The following MED13 variants were observed in gnomAD, a reference collection of about 807,000 sequenced individuals.
The protein encoded by MED13 is mediator complex subunit 13.
A neutral mutation model predicts 225.2 loss-of-function variants in MED13; 23 were observed. The ratio of observed to expected loss-of-function variants is 0.10; its 90% confidence interval spans 0.07 to 0.14. The LOEUF is 0.14. Among genes scored for constraint, MED13 ranks in the 10% least tolerant of loss-of-function variants. MED13 has a pLI of 1.00. For synonymous variants in MED13, 942 were observed against 889.2 expected (o/e 1.06, Z -1.06); for missense variants, 2,197 against 2,594.5 (o/e 0.85, Z 3.33).
At chr17:62,053,064 C>G (rs2080969651) in intron 2 of MED13, among the ~76,000 whole-genome samples, 2 of 152,140 alleles carry the variant, frequency 1.3e-5, no homozygotes, top group Non-Finnish European at 2.9e-5. Context: ...AATTTCTAAG[C>G]TGGCTCACTT....
At chr17:62,014,728 G>C (rs2080546489) in intron 8 of MED13, among the ~76,000 whole-genome samples, 1 of 152,086 alleles carries the variant, frequency 6.6e-6, no homozygotes, top group Non-Finnish European at 1.5e-5. Context: ...TACAATCATA[G>C]CACACTGTAA....
At chr17:62,049,930 C>CACAAAAAAAAAAA (rs2080940521) in intron 3 of MED13, among the ~76,000 whole-genome samples, 1 of 96,262 alleles carries the variant, frequency 1.0e-5, no homozygotes. Context: ...GCTCTGTCTC[C>CACAAAAAAAAAAA]AAAAAAAAAA....
chr17:62,055,283 A>G (rs911833915), intron 2 of MED13, among the ~76,000 whole-genome samples: 2 of 151,916 alleles, frequency 1.3e-5, no homozygotes, highest in African/African-American at 4.8e-5. Flanking sequence ...CCAGCTACTC[A>G]GGAGGCTGAG....
chr17:61,969,905 G>T (rs1365308962), intron 17 of MED13, among the ~76,000 whole-genome samples: 1 of 152,012 alleles, frequency 6.6e-6, no homozygotes, highest in Non-Finnish European at 1.5e-5. Flanking sequence ...CCTGGTGAGT[G>T]TTCTTACCAT....
At position 61,968,093 on chromosome 17, in the gene MED13, T is replaced by C. The variant is rs2080075013; in HGVS notation, c.4133A>G (p.Asn1378Ser). The C allele has an allele frequency of 2.5e-6, 4 of 1,613,984 alleles. No individual in the cohort carries two copies. Among genetic ancestry groups the C allele is most frequent in the Non-Finnish European group, 2.5e-6 (3 of 1,179,988 alleles). Residue 1378 changes from asparagine to serine, a missense_variant, in exon 18 of 30, where the codon AAT (asparagine) becomes AGT (serine). Around this residue, in one of 12 missense-constraint regions of MED13, gnomAD observed 47 missense variants for 93.8 expected, o/e 0.50. Coordinates refer to ENST00000397786, the MANE Select transcript of MED13 (RefSeq NM_005121.3). ...DIAYVVLCPE[N>S]EALLNGAKSF... ...TTTTGCTCCATTTAACAAGGCTTCATTTTCTGGACACAGTACAACATAGGC... is the reference window on the plus strand; with the variant it reads ...TTTTGCTCCATTTAACAAGGCTTCACTTTCTGGACACAGTACAACATAGGC...
rs1353105363 is a variant in MED13 at position 61,995,640 on chromosome 17, G to A, written c.1968-275C>T. On this transcript the variant is annotated intron_variant, in intron 9 of 29. Coordinates refer to ENST00000397786, the MANE Select transcript of MED13 (RefSeq NM_005121.3). ...GTAATTCACGGTTTAGGTAACTCACGGTTCTCAAGTCCTCAAGCACACTAT... is the reference window on the plus strand; with the variant it reads ...GTAATTCACGGTTTAGGTAACTCACAGTTCTCAAGTCCTCAAGCACACTAT... Among the ~76,000 whole-genome samples the A allele has an allele frequency of 2.6e-5, 4 of 152,124 alleles. 1 individual carries two copies. The highest frequency in any genetic ancestry group is 2.0e-4 in the Admixed American group (3 of 15,270).
chr17:62,060,109 C>T (rs1407781474), intron 2 of MED13, among the ~76,000 whole-genome samples: 7 of 151,502 alleles, frequency 4.6e-5, no homozygotes, highest in East Asian at 2.0e-4. Flanking sequence ...CTGGCGAACA[C>T]GGTGAAACCC....
At chr17:62,008,976 A>T (rs997758717) in intron 9 of MED13, among the ~76,000 whole-genome samples, 3 of 152,234 alleles carry the variant, frequency 2.0e-5, no homozygotes, top group Non-Finnish European at 2.9e-5. Flanking sequence ...TTTTAAGCAA[A>T]TAAAGTCTAA....
At chr17:62,022,195 A>C (rs936417961) in intron 8 of MED13, among the ~76,000 whole-genome samples, 2 of 146,242 alleles carry the variant, frequency 1.4e-5, no homozygotes, top group African/African-American at 5.1e-5. Flanking sequence ...ATATATATAT[A>C]TTCTTAAAAA....
At chr17:62,002,773 G>T (rs2080407750) in intron 9 of MED13, among the ~76,000 whole-genome samples, 1 of 152,218 alleles carries the variant, frequency 6.6e-6, no homozygotes, top group South Asian at 2.1e-4. Context: ...AGTTTGGAGT[G>T]ACTGAAATAG....
At chr17:61,997,375 G>C in intron 9 of MED13, among the ~76,000 whole-genome samples, 1 of 152,134 alleles carries the variant, frequency 6.6e-6, no homozygotes, top group Non-Finnish European at 1.5e-5. Context: ...TTGGGGATAT[G>C]TTTTATAATT....
intron 2 of MED13, among the ~76,000 whole-genome samples, chr17:62,061,592 T>C (rs1384432865): frequency 2.0e-5 from 3 of 152,228 alleles, no homozygotes; most frequent in East Asian, 3.8e-4. Flanking sequence ...AACAATGTTA[T>C]ACAGTCTCCA....
chr17:62,040,518 T>A (rs989338880), intron 3 of MED13, among the ~76,000 whole-genome samples: 1 of 152,200 alleles, frequency 6.6e-6, no homozygotes, highest in African/African-American at 2.4e-5. Flanking sequence ...AACAATTCCA[T>A]ATGTATGCTA....
chr17:61,967,266 A>T (rs2080067215), intron 18 of MED13, among the ~76,000 whole-genome samples: 1 of 152,146 alleles, frequency 6.6e-6, no homozygotes, highest in Admixed American at 6.5e-5. Flanking sequence ...TATAATATAC[A>T]ATGTTTCCCC....
At chr17:62,004,101 A>G (rs1364496327) in intron 9 of MED13, 6 of 152,236 alleles carry the variant, frequency 3.9e-5, no homozygotes, top group Non-Finnish European at 8.8e-5. Flanking sequence ...ATTTTTACAC[A>G]CATTAAATAA....
chr17:62,001,497 A>G (rs2080394740), intron 9 of MED13, among the ~76,000 whole-genome samples: 1 of 152,112 alleles, frequency 6.6e-6, no homozygotes, highest in Non-Finnish European at 1.5e-5. Context: ...ATTTTATCTC[A>G]CTCAATACTT....
chr17:62,047,948 A>G lies in MED13; in HGVS notation c.470+4589T>C, dbSNP rs531525795. Among the ~76,000 whole-genome samples, 365 of 150,986 alleles carry G rather than the reference A, an allele frequency of 2.4e-3. 3 individuals are homozygous for G. Among genetic ancestry groups the G allele is most frequent in the Non-Finnish European group, 1.1e-3 (74 of 67,870 alleles). On this transcript the variant is annotated intron_variant, in intron 3 of 29. Coordinates refer to ENST00000397786, the MANE Select transcript of MED13 (RefSeq NM_005121.3). ...AGCCGGGTGCAGTGGTTAAACTTAC[A>G]AAGTTATAAACTGAGTCAAACCACA...
chr17:62,037,333 C>CA (rs1453388563), intron 3 of MED13, among the ~76,000 whole-genome samples: 2 of 151,680 alleles, frequency 1.3e-5, no homozygotes, highest in East Asian at 1.9e-4. Flanking sequence ...ATAACTAAAA[C>CA]AAAAAACAAA....
intron 22 of MED13, among the ~76,000 whole-genome samples, chr17:61,961,309 C>A (rs1273871579): frequency 1.3e-5 from 2 of 152,010 alleles, no homozygotes; most frequent in East Asian, 1.9e-4. Flanking sequence ...TGGGCGATCA[C>A]CTGAGGTCAG....
Sources: gnomAD v4.1 joint callset for allele counts (sites outside exome capture counted in the v4.1 genomes callset) on GRCh38, gnomAD v4.1.1 for gene constraint, gnomAD v4.1.1 regional missense constraint, MANE v1.5 for transcripts, NCBI Gene and HGNC (gene_info 2026-07-23, HGNC 2026-07-21) for gene names.